Variants in SULF1 observed in about 807,000 individuals in gnomAD.
SULF1 encodes sulfatase 1.
SULF1 carries 46 observed loss-of-function variants against 110.5 expected under a neutral mutation model. The ratio of observed to expected loss-of-function variants is 0.42; its 90% CI spans 0.33 to 0.53. The LOEUF (loss-of-function observed/expected upper bound fraction) is 0.53, where lower values mean the gene tolerates loss of function less well. SULF1 is among the 20% of genes least tolerant of loss of function. SULF1 has a pLI of 0.12. For missense variants in SULF1, 941 were observed against 1,094.2 expected (o/e 0.86, Z 1.98); for synonymous variants, 371 against 387.1 (o/e 0.96, Z 0.49).
intron 1 of SULF1, among the ~76,000 whole-genome samples, chr8:69,475,636 A>G (rs752919443): frequency 2.0e-5 from 3 of 152,134 alleles, no homozygotes; most frequent in Non-Finnish European, 2.9e-5. Flanking sequence ...AACACAATAC[A>G]TTCCCAAAGT....
rs112846162 is a variant in SULF1 at position 69,567,121 on chromosome 8, G to T, written c.172+2974G>T. On this transcript the variant is annotated intron_variant, in intron 5 of 22. Coordinates refer to ENST00000402687, the MANE Select transcript of SULF1 (RefSeq NM_001128205.2). ...GCAAATTCATAATATTTTAGGTTCT[G>T]GGAGAGAGGGAACAGAAGCAAAAGA... Among the ~76,000 whole-genome samples the T allele has an allele frequency of 2.8e-3, 424 of 152,208 alleles. 1 individual carries two copies. The highest frequency in any genetic ancestry group is 9.6e-3 in the African/African-American group (397 of 41,546).
intron 2 of SULF1, among the ~76,000 whole-genome samples, chr8:69,500,633 C>A (rs531996684): frequency 6.6e-6 from 1 of 152,262 alleles, no homozygotes; most frequent in South Asian, 2.1e-4. Context: ...AAGTGGGCAT[C>A]TGCATGATGC....
intron 1 of SULF1, among the ~76,000 whole-genome samples, chr8:69,487,310 G>A (rs953911058): frequency 1.3e-5 from 2 of 152,150 alleles, no homozygotes; most frequent in Admixed American, 1.3e-4. Context: ...CCTTCCCCTT[G>A]AATAGAAATG....
intron 5 of SULF1, among the ~76,000 whole-genome samples, chr8:69,572,411 G>A (rs892921309): frequency 6.6e-6 from 1 of 152,154 alleles, no homozygotes; most frequent in Non-Finnish European, 1.5e-5. Flanking sequence ...ATTATTGTCT[G>A]GATCAAATTA....
intron 1 of SULF1, among the ~76,000 whole-genome samples, chr8:69,487,574 C>T (rs1809760116): frequency 1.3e-5 from 2 of 152,156 alleles, no homozygotes; most frequent in South Asian, 4.1e-4. Context: ...AAAAAGAATT[C>T]CCCACTCCTA....
intron 3 of SULF1, among the ~76,000 whole-genome samples, chr8:69,534,206 C>T (rs1362556269): frequency 6.6e-6 from 1 of 152,102 alleles, no homozygotes; most frequent in Non-Finnish European, 1.5e-5. Context: ...GAAGTAGCTA[C>T]TAATTAAATA....
rs144958519 is a variant in SULF1 at position 69,482,899 on chromosome 8, A to G, written c.-390-12866A>G. Among the ~76,000 whole-genome samples the G allele has an allele frequency of 2.0e-3, 299 of 152,294 alleles. 1 individual carries two copies. Among genetic ancestry groups the G allele is most frequent in the African/African-American group, 6.8e-3 (281 of 41,572 alleles). ...AAATTATAGTCAGCCCTTCATATCCACAGTTCCACCTCAGTGGATTAAACC... is the reference window on the plus strand; with the variant it reads ...AAATTATAGTCAGCCCTTCATATCCGCAGTTCCACCTCAGTGGATTAAACC... On this transcript the variant is annotated intron_variant, in intron 1 of 22. Transcript: ENST00000260128.
chr8:69,628,427 T>C (rs1253233146), intron 18 of SULF1, among the ~76,000 whole-genome samples, 191 bp downstream of exon 18: 1 of 152,194 alleles, frequency 6.6e-6, no homozygotes, highest in East Asian at 1.9e-4. Context: ...GCAATGCTCT[T>C]GGCATCCTTT....
In SULF1 at chr8:69,627,795, T is replaced by A. The variant is rs1217776113; in HGVS notation, c.1971T>A (p.Ile657=). The change falls in exon 17 of 23, where the codon ATT becomes ATA. Residue 657 remains isoleucine, a synonymous_variant. Transcript: ENST00000402687. ...AGATTGAAGCTCTGCAAGATAAAAT[T>A]AAGAATTTAAGAGAAGTGAGAGGAC... ...DKEIEALQDK[I]KNLREVRGHL... 6.2e-7 allele frequency: 1 copy of A among 1,612,212 alleles called. No homozygotes were observed. Among genetic ancestry groups the A allele is most frequent in the Admixed American group, 1.7e-5 (1 of 59,764 alleles).
chr8:69,522,836 C>T (rs1157282578), intron 3 of SULF1, among the ~76,000 whole-genome samples: 7 of 151,888 alleles, frequency 4.6e-5, no homozygotes, highest in Admixed American at 1.3e-4. Flanking sequence ...TGGAGGTCAT[C>T]GGTGACATGT....
chr8:69,497,904 C>T (rs1015639417), intron 2 of SULF1, among the ~76,000 whole-genome samples: 2 of 152,036 alleles, frequency 1.3e-5, no homozygotes, highest in Non-Finnish European at 1.5e-5. Flanking sequence ...CTTAACTTCT[C>T]GATATATTCT....
At chr8:69,547,674 C>G (rs912199272) in intron 3 of SULF1, among the ~76,000 whole-genome samples, 29 of 152,212 alleles carry the variant, frequency 1.9e-4, no homozygotes, top group African/African-American at 6.5e-4. Flanking sequence ...GCCGTCTGCT[C>G]TAGCTTTAGA....
At chr8:69,512,312 C>A (rs764035957) in intron 3 of SULF1, among the ~76,000 whole-genome samples, 4 of 152,082 alleles carry the variant, frequency 2.6e-5, no homozygotes, top group Non-Finnish European at 5.9e-5. Context: ...CCCCATCAGC[C>A]CACCAACATC....
At chr8:69,548,436 T>C (rs1174003820) in intron 3 of SULF1, among the ~76,000 whole-genome samples, 2 of 150,926 alleles carry the variant, frequency 1.3e-5, no homozygotes, top group Non-Finnish European at 2.9e-5. Context: ...CCTAGAGCAC[T>C]TTGGATGTTA....
chr8:69,638,219 C>A, intron 19 of SULF1: 1 of 356,768 alleles, frequency 2.8e-6, no homozygotes, highest in Non-Finnish European at 5.0e-6. Context: ...TTGGAAACCA[C>A]TGCATAACAG....
intron 3 of SULF1, among the ~76,000 whole-genome samples, chr8:69,549,205 C>T (rs1428093501): frequency 6.6e-6 from 1 of 152,248 alleles, no homozygotes; most frequent in Non-Finnish European, 1.5e-5. Flanking sequence ...CATGGAGCCA[C>T]TGCCCCCTCC....
At chr8:69,565,990 A>G (rs868348358) in intron 5 of SULF1, among the ~76,000 whole-genome samples, 2 of 152,044 alleles carry the variant, frequency 1.3e-5, no homozygotes, top group Middle Eastern at 3.4e-3. Flanking sequence ...AGTTCATGTC[A>G]TGCGCTTGGT....
intron 3 of SULF1, among the ~76,000 whole-genome samples, chr8:69,542,430 T>C (rs553753596): frequency 4.8e-4 from 72 of 151,180 alleles, no homozygotes; most frequent in Non-Finnish European, 9.7e-4. Context: ...CATGATGGAG[T>C]GTTCTGTGGT....
Position 69,535,404 on chromosome 8 carries a change from C to G in SULF1, c.-133-28135C>G, listed in dbSNP as rs78885743. Among the ~76,000 whole-genome samples, 520 of 152,234 alleles carry G rather than the reference C, an allele frequency of 3.4e-3. 3 individuals are homozygous for G. The highest frequency in any genetic ancestry group is 0.012 in the African/African-American group (494 of 41,528). On this transcript the variant is annotated intron_variant, in intron 3 of 22. Transcript: ENST00000402687. The stretch of plus-strand genomic sequence containing the variant: ...AAACAATCACTCTTGCTGAAGGGAA[C>G]AGAAGAGAGGTGCACTCCAGACAGT...
Sources: gnomAD v4.1 joint callset for allele counts (sites outside exome capture counted in the v4.1 genomes callset) on GRCh38, gnomAD v4.1.1 for gene constraint, MANE v1.5 for transcripts, NCBI Gene and HGNC (gene_info 2026-07-23, HGNC 2026-07-21) for gene names.